Variants in ST6GALNAC5 observed in about 807,000 individuals in gnomAD.
ST6GALNAC5 encodes the protein ST6 N-acetylgalactosaminide alpha-2,6-sialyltransferase 5, also known as alpha-N-acetylgalactosaminide alpha-2,6-sialyltransferase 5.
A neutral mutation model predicts 33.6 loss-of-function variants in ST6GALNAC5; 27 were observed. The ratio of observed to expected loss-of-function variants is 0.80; its 90% CI spans 0.59 to 1.11. The LOEUF (loss-of-function observed/expected upper bound fraction) is 1.11, where lower values mean the gene tolerates loss of function less well. Among genes scored for constraint, ST6GALNAC5 ranks in the 50% least tolerant of loss-of-function variants. The pLI is 0.00. For synonymous variants in ST6GALNAC5, 194 were observed against 171.2 expected, an observed-to-expected ratio of 1.13 and a Z score of -1.04; for missense variants, 428 against 454.0, an observed-to-expected ratio of 0.94 and a Z score of 0.52.
At chr1:77,046,334 A>G (rs1188058921) in intron 3 of ST6GALNAC5, among the ~76,000 whole-genome samples, 1 of 152,274 alleles carries the variant, frequency 6.6e-6, no homozygotes, top group African/African-American at 2.4e-5. Flanking sequence ...GCAGCTCATT[A>G]TTAGAGAATA....
intron 2 of ST6GALNAC5, among the ~76,000 whole-genome samples, chr1:76,873,878 G>T (rs1183847124): frequency 2.6e-5 from 4 of 152,146 alleles, no homozygotes; most frequent in African/African-American, 7.2e-5. Flanking sequence ...CTTGTTGAAG[G>T]CCTAGTAGTT....
chr1:77,016,039 T>TC (rs1223436808), intron 2 of ST6GALNAC5, among the ~76,000 whole-genome samples: 1 of 145,222 alleles, frequency 6.9e-6, no homozygotes, highest in Admixed American at 6.8e-5. Flanking sequence ...CTCCTCCTCT[T>TC]CCCCTCAAAT....
At chr1:76,960,666 T>C (rs796692239) in intron 2 of ST6GALNAC5, among the ~76,000 whole-genome samples, 6 of 152,262 alleles carry the variant, frequency 3.9e-5, no homozygotes, top group African/African-American at 1.4e-4. Context: ...TTCAGAGGCC[T>C]ACCCTCAGGG....
At chr1:76,937,718 T>C (rs538414151) in intron 2 of ST6GALNAC5, among the ~76,000 whole-genome samples, 13 of 152,192 alleles carry the variant, frequency 8.5e-5, no homozygotes, top group South Asian at 6.2e-4. Context: ...GTTAGCCCCA[T>C]TGTTACCAGA....
intron 2 of ST6GALNAC5, among the ~76,000 whole-genome samples, chr1:76,989,459 A>G (rs533598998): frequency 2.5e-4 from 38 of 152,134 alleles, no homozygotes; most frequent in African/African-American, 8.0e-4. Context: ...ATGGCAAGAC[A>G]TTTGTTCATA....
At chr1:77,000,907 G>T (rs1326156780) in intron 2 of ST6GALNAC5, among the ~76,000 whole-genome samples, 7 of 152,046 alleles carry the variant, frequency 4.6e-5, no homozygotes, top group Non-Finnish European at 8.8e-5. Context: ...TTGTAATATA[G>T]TTTGAAGTCA....
chr1:76,953,036 G>A (rs1465851596), intron 2 of ST6GALNAC5, among the ~76,000 whole-genome samples: 1 of 152,042 alleles, frequency 6.6e-6, no homozygotes, highest in Non-Finnish European at 1.5e-5. Context: ...TTATTTCTGA[G>A]TAGTATTCCA....
At chr1:76,917,432 G>T (rs78248203) in intron 2 of ST6GALNAC5, among the ~76,000 whole-genome samples, 1 of 151,922 alleles carries the variant, frequency 6.6e-6, no homozygotes, top group Non-Finnish European at 1.5e-5. Context: ...ATTGATCTAC[G>T]ATAACTAATA....
At chr1:76,963,112 T>C (rs1226567164) in intron 2 of ST6GALNAC5, among the ~76,000 whole-genome samples, 1 of 152,140 alleles carries the variant, frequency 6.6e-6, no homozygotes, top group Non-Finnish European at 1.5e-5. Context: ...GTGGGATGAC[T>C]AGGAACAGAC....
chr1:76,895,648 T>C (rs1362203186), intron 2 of ST6GALNAC5, among the ~76,000 whole-genome samples: 5 of 152,090 alleles, frequency 3.3e-5, no homozygotes, highest in Non-Finnish European at 5.9e-5. Flanking sequence ...AGAGTGGCAG[T>C]TTGGGGATAG....
At chr1:76,926,324 A>G (rs1305268580) in intron 2 of ST6GALNAC5, among the ~76,000 whole-genome samples, 4 of 152,108 alleles carry the variant, frequency 2.6e-5, no homozygotes, top group African/African-American at 9.7e-5. Flanking sequence ...AGAAAACTCA[A>G]CTATCACCCA....
chr1:76,966,787 A>T (rs1648508228), intron 2 of ST6GALNAC5, among the ~76,000 whole-genome samples: 1 of 152,210 alleles, frequency 6.6e-6, no homozygotes, highest in South Asian at 2.1e-4. Flanking sequence ...TACCTAGTTT[A>T]TTGAGAGCTT....
chr1:76,910,380 A>G (rs1646899147), intron 2 of ST6GALNAC5, among the ~76,000 whole-genome samples: 1 of 152,016 alleles, frequency 6.6e-6, no homozygotes, highest in Non-Finnish European at 1.5e-5. Context: ...TGATTTTTTT[A>G]ATCTTTGAAA....
intron 2 of ST6GALNAC5, among the ~76,000 whole-genome samples, chr1:76,884,895 A>G (rs973028313): frequency 6.6e-6 from 1 of 152,202 alleles, no homozygotes; most frequent in African/African-American, 2.4e-5. Context: ...GAAGAGTAGT[A>G]ACCAGGCTTT....
chr1:76,935,348 T>G (rs1323931387), intron 2 of ST6GALNAC5, among the ~76,000 whole-genome samples: 1 of 152,078 alleles, frequency 6.6e-6, no homozygotes, highest in Non-Finnish European at 1.5e-5. Context: ...ATGTTATCCC[T>G]TGTGCAGAAT....
chr1:76,940,646 G>C (rs185115649), intron 2 of ST6GALNAC5, among the ~76,000 whole-genome samples: 1 of 151,992 alleles, frequency 6.6e-6, no homozygotes, highest in Non-Finnish European at 1.5e-5. Context: ...ACCAAAATCT[G>C]GTTCTTTGCC....
intron 2 of ST6GALNAC5, among the ~76,000 whole-genome samples, chr1:76,968,206 T>A (rs1648580903): frequency 6.6e-6 from 1 of 152,210 alleles, no homozygotes; most frequent in African/African-American, 2.4e-5. Flanking sequence ...ATTATTATTC[T>A]GCGGGAGTCT....
chr1:76,940,578 C>T (rs1341794551), intron 2 of ST6GALNAC5, among the ~76,000 whole-genome samples: 3 of 151,946 alleles, frequency 2.0e-5, no homozygotes, highest in East Asian at 3.9e-4. Context: ...TGATGAAACT[C>T]GAGACCTGGA....
chr1:76,909,658 C>T (rs190447732), intron 2 of ST6GALNAC5, among the ~76,000 whole-genome samples: 115 of 151,926 alleles, frequency 7.6e-4, no homozygotes, highest in Middle Eastern at 6.8e-3. Context: ...AAATATAAAA[C>T]AAAGTGAGAA....
Sources: allele counts gnomAD v4.1 joint callset (sites outside exome capture counted in the v4.1 genomes callset), GRCh38; gene constraint gnomAD v4.1.1; transcripts MANE v1.5; gene names NCBI Gene and HGNC (gene_info 2026-07-23, HGNC 2026-07-21).